The following HYDIN variants were observed in gnomAD, a reference collection of about 807,000 sequenced individuals.
The protein encoded by HYDIN is HYDIN axonemal central pair apparatus protein.
HYDIN carries 132 observed loss-of-function variants against 403.9 expected under a neutral mutation model. That is an observed-to-expected ratio of 0.33 (90% CI 0.28 to 0.38). The LOEUF is 0.38. Among genes scored for constraint, HYDIN ranks in the 10% least tolerant of loss-of-function variants. The probability of loss-of-function intolerance (pLI) is 1.00; values close to 1 mark genes in which losing one functional copy is unlikely to be tolerated. For missense variants in HYDIN, 2,827 were observed against 5,009.5 expected (o/e 0.56, Z 13.15); for synonymous variants, 1,202 against 1,891.7 (o/e 0.64, Z 9.46).
At chr16:70,909,782 G>A (rs796549428) in intron 47 of HYDIN, among the ~76,000 whole-genome samples, 2 of 139,758 alleles carry the variant, frequency 1.4e-5, no homozygotes, top group African/African-American at 2.7e-5. Flanking sequence ...TGCAAGCTCC[G>A]CCTCCTGGGT....
rs985710981 is a variant in HYDIN, at chr16:70,807,244, G to A, written c.*336C>T. ...GTCACGCATTGCTAAGTGTTGTAGA[G>A]TAGAAGGTCACTAGTGTGATACCTG... On this transcript the variant is annotated 3_prime_UTR_variant, in exon 86 of 86. Coordinates refer to ENST00000393567, the MANE Select transcript of HYDIN (RefSeq NM_001270974.2). The A allele has an allele frequency of 3.9e-6, 1 of 256,536 alleles. No homozygotes were observed. 15.9% of individuals were successfully genotyped at this position (256,536 alleles called of 1,614,324 possible).
intron 18 of HYDIN, among the ~76,000 whole-genome samples, chr16:71,041,609 T>C (rs953087625): frequency 1.3e-5 from 2 of 152,084 alleles, no homozygotes; most frequent in Non-Finnish European, 2.9e-5. Context: ...AAATAACTGG[T>C]AACAAAATAG....
At chr16:71,208,202 G>A (rs1401442305) in intron 1 of HYDIN, among the ~76,000 whole-genome samples, 4 of 152,068 alleles carry the variant, frequency 2.6e-5, no homozygotes, top group African/African-American at 7.2e-5. Flanking sequence ...ACAAAAAAAC[G>A]AAATCATACT....
At chr16:70,843,817 GT>G (rs1193636459) in intron 75 of HYDIN, among the ~76,000 whole-genome samples, 2 of 74,086 alleles carry the variant, frequency 2.7e-5, no homozygotes, top group East Asian at 7.2e-4. Flanking sequence ...TTTTTCATGT[GT>G]TTTTTGGCTG....
At chr16:70,882,419 T>C (rs1325537038) in intron 60 of HYDIN, among the ~76,000 whole-genome samples, 1 of 152,232 alleles carries the variant, frequency 6.6e-6, no homozygotes, top group East Asian at 1.9e-4. Flanking sequence ...GAGCATTCAA[T>C]GGAGGAATGC....
In HYDIN at chr16:71,184,910, TG is replaced by T. The variant is rs778840062; in HGVS notation, c.215del (p.Pro72HisfsTer7). The stretch of plus-strand genomic sequence containing the variant: ...CCATATCTAAGAGTTCGATGATCTG[TG>T]GTCGGCACATCAAACGTGTTTTTGC... ...RLAKTRLMCR[P>X]QIIELLDMGE... is the part of the protein sequence containing the mutation. On this transcript the variant is annotated frameshift_variant, in exon 3 of 86. Transcript: ENST00000393567. LOFTEE classifies it high-confidence loss of function. The T allele has an allele frequency of 5.6e-6, 9 of 1,610,984 alleles. No individual in the cohort carries two copies. In the Admixed American group the frequency reaches 1.5e-4, roughly 27 times the overall value.
At chr16:71,021,372 A>G (rs2080486427) in intron 21 of HYDIN, among the ~76,000 whole-genome samples, 1 of 151,528 alleles carries the variant, frequency 6.6e-6, no homozygotes, top group Non-Finnish European at 1.5e-5. Context: ...ACGTGCCACC[A>G]TGCCCAGCTA....
chr16:70,890,251 C>A (rs1253314629), intron 57 of HYDIN, among the ~76,000 whole-genome samples: 1 of 152,210 alleles, frequency 6.6e-6, no homozygotes, highest in Non-Finnish European at 1.5e-5. Context: ...TGAAATGCAT[C>A]TTAAACTTTT....
rs1047899104 is a variant in HYDIN at position 71,230,587 on chromosome 16, T to A, written c.-49A>T. On this transcript the variant is annotated 5_prime_UTR_variant, in exon 1 of 86. It removes the in-frame stop codon of an upstream open reading frame in the 5' UTR. Coordinates refer to ENST00000393567, the MANE Select transcript of HYDIN (RefSeq NM_001270974.2). Reference sequence around the variant, plus strand: ...CTTGGTGCACTCCGGGTCCCACGTTTATTCTACCTCCATTCCCCGCCAAGA... The same window carrying A: ...CTTGGTGCACTCCGGGTCCCACGTTAATTCTACCTCCATTCCCCGCCAAGA... The A allele has an allele frequency of 6.5e-7, 1 of 1,535,716 alleles. No individual in the cohort carries two copies. The highest frequency in any genetic ancestry group is 8.7e-7 in the Non-Finnish European group (1 of 1,146,796).
intron 13 of HYDIN, among the ~76,000 whole-genome samples, chr16:71,077,347 G>T (rs559337509): frequency 2.5e-3 from 374 of 151,228 alleles, no homozygotes; most frequent in Non-Finnish European, 4.5e-3. Flanking sequence ...CACATTTATT[G>T]TTAGGTTATT....
At chr16:71,132,546 T>C (rs2084750969) in intron 8 of HYDIN, 1 of 54,148 alleles carries the variant, frequency 1.8e-5, no homozygotes, top group African/African-American at 7.8e-5. Context: ...AATGGTATCT[T>C]TGGGGGAATT....
intron 18 of HYDIN, among the ~76,000 whole-genome samples, chr16:71,050,025 G>A (rs2081583333): frequency 6.8e-6 from 1 of 147,814 alleles, no homozygotes; most frequent in Non-Finnish European, 1.5e-5. Flanking sequence ...CACACTGGTT[G>A]GGGTGTGTGT....
At chr16:71,176,782 C>T (rs1157675602) in intron 4 of HYDIN, among the ~76,000 whole-genome samples, 1 of 152,208 alleles carries the variant, frequency 6.6e-6, no homozygotes, top group African/African-American at 2.4e-5. Context: ...ATCATTTTAA[C>T]CCAATTAAAA....
rs1485839474 is a variant in HYDIN at position 70,920,842 on chromosome 16, C to G, written c.7534G>C (p.Glu2512Gln). 2 of 1,584,584 alleles carry G rather than the reference C, an allele frequency of 1.3e-6. No individual in the cohort carries two copies. The highest frequency in any genetic ancestry group is 1.3e-5 in the African/African-American group (1 of 74,220). Residue 2512 changes from glutamate to glutamine, a missense_variant, in exon 46 of 86, where the codon GAG (glutamate) becomes CAG (glutamine). By Grantham distance (29) the Glu-to-Gln change is conservative (BLOSUM62 2). Transcript: ENST00000393567. ...CGCTCCTTCTCCAGGCGCTCTCTCT[C>G]CCGGTCCTTGCGGCCCCTGCGCCCA... is the stretch of plus-strand genomic sequence containing the variant. The part of the protein sequence containing the change: ...LGGRRGRKDR[E>Q]RERLEKERTE...
At chr16:71,202,698 T>C (rs1266438410) in intron 1 of HYDIN, among the ~76,000 whole-genome samples, 4 of 152,214 alleles carry the variant, frequency 2.6e-5, no homozygotes, top group Admixed American at 1.3e-4. Context: ...ATGAATTTAG[T>C]AGATCATTTT....
At chr16:71,182,142 G>C (rs2086931700) in intron 3 of HYDIN, among the ~76,000 whole-genome samples, 1 of 152,154 alleles carries the variant, frequency 6.6e-6, no homozygotes, top group Non-Finnish European at 1.5e-5. Flanking sequence ...AGAAGAGACT[G>C]AGAGGGAGAA....
At chr16:70,991,026 G>C (rs2079334207) in intron 25 of HYDIN, among the ~76,000 whole-genome samples, 1 of 152,222 alleles carries the variant, frequency 6.6e-6, no homozygotes, top group South Asian at 2.1e-4. Context: ...CATTCTAGAA[G>C]GAGAATTTAA....
chr16:70,899,851 G>C (rs905522609), intron 53 of HYDIN, among the ~76,000 whole-genome samples: 2 of 152,032 alleles, frequency 1.3e-5, no homozygotes, highest in African/African-American at 4.8e-5. Flanking sequence ...TTCCCAGCAG[G>C]GTTGCAACAA....
At chr16:71,123,252 A>AGTCTCATTCTGTT (rs2084325094) in intron 9 of HYDIN, among the ~76,000 whole-genome samples, 1 of 85,028 alleles carries the variant, frequency 1.2e-5, no homozygotes, top group Non-Finnish European at 2.2e-5. Flanking sequence ...AACATTCTGT[A>AGTCTCATTCTGTT]AAGCCAGAGT....
Sources: gnomAD v4.1 joint callset for allele counts (sites outside exome capture counted in the v4.1 genomes callset) on GRCh38, gnomAD v4.1.1 for gene constraint, MANE v1.5 for transcripts, NCBI Gene and HGNC (gene_info 2026-07-23, HGNC 2026-07-21) for gene names.